ASB15: variants seen among roughly 807,000 people sequenced by gnomAD.
ASB15 encodes the protein ankyrin repeat and SOCS box protein 15.
In ASB15, 54 loss-of-function variants were observed where a neutral mutation model predicts 58.0. The ratio of observed to expected loss-of-function variants is 0.93; its 90% CI spans 0.75 to 1.17. The LOEUF (loss-of-function observed/expected upper bound fraction) is 1.17. Among genes scored for constraint, ASB15 ranks in the 50% most tolerant of loss-of-function variants. The pLI is 0.00. For missense variants in ASB15, 680 were observed against 707.4 expected (o/e 0.96, Z 0.44); for synonymous variants, 249 against 262.4 (o/e 0.95, Z 0.50).
intron 3 of ASB15, 34 bp from the exon 4 acceptor site, chr7:123,614,467 A>G (rs771901866): frequency 7.4e-7 from 1 of 1,346,704 alleles, no homozygotes; most frequent in Admixed American, 1.8e-5. Context: ...ATTTCTTGAT[A>G]ATAAGAACTT....
At chr7:123,592,731 C>T (rs772419539) in intron 1 of ASB15, among the ~76,000 whole-genome samples, 12 of 152,030 alleles carry the variant, frequency 7.9e-5, no homozygotes, top group South Asian at 4.1e-4. Flanking sequence ...GGAATAAGTG[C>T]GATGTGGTGC....
intron 7 of ASB15, among the ~76,000 whole-genome samples, chr7:123,618,406 T>G (rs550075630): frequency 6.6e-6 from 1 of 152,326 alleles, no homozygotes; most frequent in African/African-American, 2.4e-5. Context: ...AAGAATGTGG[T>G]GTTGGCACGT....
intron 7 of ASB15, among the ~76,000 whole-genome samples, chr7:123,619,529 T>C (rs761537172): frequency 2.6e-5 from 4 of 152,116 alleles, no homozygotes; most frequent in Non-Finnish European, 4.4e-5. Context: ...CCTTCTTGCC[T>C]ACTCTTTTTT....
At chr7:123,612,088 A>G (rs564160348) in intron 3 of ASB15, among the ~76,000 whole-genome samples, 1 of 152,280 alleles carries the variant, frequency 6.6e-6, no homozygotes, top group Admixed American at 6.5e-5. Context: ...TAAGCTGGTG[A>G]TTTAAATAGG....
rs1343939064 is a variant in ASB15, at chr7:123,616,532, C to G, written c.292+37C>G. 3.8e-6 allele frequency: 6 copies of G among 1,585,726 alleles called. No individual in the cohort carries two copies. The Admixed American group carries it at 5.2e-5, about 14-fold the overall frequency. On this transcript the variant is annotated intron_variant, in intron 6 of 11. Transcript: ENST00000451215. ...TAAAACATGTTTGACCAAGCCAGAG[C>G]AAGAATGTTGATATGTTGATGTTAT...
chr7:123,595,182 A>C (rs2116379899), intron 1 of ASB15, among the ~76,000 whole-genome samples: 1 of 152,298 alleles, frequency 6.6e-6, no homozygotes, highest in South Asian at 2.1e-4. Context: ...TCACTGTTTA[A>C]AAATAAGCCA....
At chr7:123,609,276 G>C (rs1489907352) in intron 3 of ASB15, among the ~76,000 whole-genome samples, 1 of 152,038 alleles carries the variant, frequency 6.6e-6, no homozygotes, top group Admixed American at 6.6e-5. Flanking sequence ...CTAGATCCTA[G>C]CCTTAAACTT....
chr7:123,597,812 C>T (rs1022900125), upstream of ASB15, among the ~76,000 whole-genome samples: 1 of 151,936 alleles, frequency 6.6e-6, no homozygotes, highest in Non-Finnish European at 1.5e-5. Context: ...GCCTGGGCAA[C>T]AGAGCAAGAC....
At chr7:123,568,519 C>A in intron 1 of ASB15, among the ~76,000 whole-genome samples, 1 of 146,100 alleles carries the variant, frequency 6.8e-6, no homozygotes, top group Middle Eastern at 3.4e-3. Flanking sequence ...GAAAGTCCAT[C>A]TCAAGAAAAA....
intron 1 of ASB15, among the ~76,000 whole-genome samples, chr7:123,575,109 G>A (rs1799029022): frequency 6.7e-6 from 1 of 149,774 alleles, no homozygotes; most frequent in Non-Finnish European, 1.5e-5. Context: ...GCCTAGGCAG[G>A]CTGTTTCAAT....
At chr7:123,591,701 C>T (rs1237559979) in intron 1 of ASB15, among the ~76,000 whole-genome samples, 1 of 152,100 alleles carries the variant, frequency 6.6e-6, no homozygotes, top group East Asian at 1.9e-4. Flanking sequence ...TTCGGTTTGC[C>T]AGTGTTTTAC....
chr7:123,618,409 T>C (rs1562931230), intron 7 of ASB15, among the ~76,000 whole-genome samples: 1 of 152,218 alleles, frequency 6.6e-6, no homozygotes, highest in South Asian at 2.1e-4. Context: ...AATGTGGTGT[T>C]GGCACGTGAG....
intron 11 of ASB15, among the ~76,000 whole-genome samples, chr7:123,633,125 C>T (rs1321900729): frequency 6.6e-6 from 1 of 151,960 alleles, no homozygotes; most frequent in Admixed American, 6.6e-5. Context: ...TTTAGACAAC[C>T]CAAAATGATT....
chr7:123,611,235 C>T (rs1319881395), intron 3 of ASB15, among the ~76,000 whole-genome samples: 1 of 152,182 alleles, frequency 6.6e-6, no homozygotes, highest in East Asian at 1.9e-4. Flanking sequence ...TTCCCATAGA[C>T]TGTTGCTGGC....
chr7:123,590,835 C>T (rs1379091569), intron 1 of ASB15, among the ~76,000 whole-genome samples: 1 of 151,994 alleles, frequency 6.6e-6, no homozygotes, highest in African/African-American at 2.4e-5. Flanking sequence ...ATTCTGTGAA[C>T]AAAGGCAGTG....
At chr7:123,602,316 TG>T (rs1293303493) in intron 1 of ASB15, among the ~76,000 whole-genome samples, 3 of 152,244 alleles carry the variant, frequency 2.0e-5, no homozygotes, top group Admixed American at 2.0e-4. Context: ...TTTCATCACT[TG>T]TTGAAAAAGA....
At chr7:123,597,602 T>A (rs1038703163), upstream of ASB15, among the ~76,000 whole-genome samples, 12 of 152,000 alleles carry the variant, frequency 7.9e-5, no homozygotes, top group African/African-American at 2.9e-4. Flanking sequence ...GAGGCCAAGG[T>A]GGGCAGATCA....
At chr7:123,615,920 C>T (rs911155022) in intron 4 of ASB15, among the ~76,000 whole-genome samples, 10 of 152,118 alleles carry the variant, frequency 6.6e-5, no homozygotes, top group Non-Finnish European at 1.2e-4. Flanking sequence ...GAACCTAGCT[C>T]CTCTGAATCT....
chr7:123,615,062 G>T (rs1282454040), intron 4 of ASB15, among the ~76,000 whole-genome samples: 1 of 152,080 alleles, frequency 6.6e-6, no homozygotes, highest in Non-Finnish European at 1.5e-5. Context: ...GAAGAATAAT[G>T]CTAAGCCATG....
Sources: allele counts gnomAD v4.1 joint callset (sites outside exome capture counted in the v4.1 genomes callset), GRCh38; gene constraint gnomAD v4.1.1; transcripts MANE v1.5; gene names NCBI Gene and HGNC (gene_info 2026-07-23, HGNC 2026-07-21).